The following ZIC4 variants were observed in gnomAD, a reference collection of about 807,000 sequenced individuals.
ZIC4 encodes the protein zinc finger protein ZIC 4.
A neutral mutation model predicts 28.8 loss-of-function variants in ZIC4; 15 were observed. The ratio of observed to expected loss-of-function variants is 0.52; its 90% confidence interval spans 0.35 to 0.80. The LOEUF (loss-of-function observed/expected upper bound fraction) is 0.80. Among genes scored for constraint, ZIC4 ranks in the 30% least tolerant of loss-of-function variants. ZIC4 has a pLI of 0.01. For missense variants in ZIC4, 512 were observed against 467.1 expected, an observed-to-expected ratio of 1.10 and a Z score of -0.89; for synonymous variants, 220 against 198.1, an observed-to-expected ratio of 1.11 and a Z score of -0.93.
intron 2 of ZIC4, among the ~76,000 whole-genome samples, chr3:147,401,081 C>T (rs940234564): frequency 1.3e-5 from 2 of 152,166 alleles, no homozygotes; most frequent in African/African-American, 4.8e-5. Flanking sequence ...GAGCATATTC[C>T]ACCACTAGAC....
chr3:147,390,586 T>C (rs191748547), intron 4 of ZIC4, among the ~76,000 whole-genome samples: 23 of 152,280 alleles, frequency 1.5e-4, no homozygotes, highest in Admixed American at 1.2e-3. Flanking sequence ...GGTTTTATGA[T>C]ACCCAGTCAT....
chr3:147,391,326 C>G (rs2086913709), intron 3 of ZIC4, 80 bp from the exon 4 acceptor site: 2 of 1,440,440 alleles, frequency 1.4e-6, no homozygotes, highest in Admixed American at 5.3e-5. Flanking sequence ...CCATTCGTCT[C>G]TCATTTTCTG....
chr3:147,390,783 T>A, intron 4 of ZIC4, 148 bp downstream of exon 4: 1 of 1,094,646 alleles, frequency 9.1e-7, no homozygotes, highest in Non-Finnish European at 1.3e-6. Context: ...CGTGGCCTAC[T>A]CTGCATTCGG....
intron 1 of ZIC4, chr3:147,404,337 A>G (rs1178457183): frequency 1.6e-6 from 2 of 1,279,728 alleles, no homozygotes; most frequent in East Asian, 3.2e-5. Flanking sequence ...CATGCAAACA[A>G]ATATTGCAGA....
intron 2 of ZIC4, among the ~76,000 whole-genome samples, chr3:147,400,113 A>G (rs921209442): frequency 1.3e-5 from 2 of 152,210 alleles, no homozygotes; most frequent in African/African-American, 2.4e-5. Flanking sequence ...CTAATAGTCC[A>G]GTATTTGCTG....
chr3:147,405,772 A>G, intron 1 of ZIC4: 1 of 460,828 alleles, frequency 2.2e-6, no homozygotes, highest in Non-Finnish European at 3.9e-6. Context: ...AGGTGGACTC[A>G]GGCGGCATCT....
chr3:147,397,949 C>T (rs2087084229), intron 2 of ZIC4, among the ~76,000 whole-genome samples: 1 of 152,118 alleles, frequency 6.6e-6, no homozygotes, highest in African/African-American at 2.4e-5. Context: ...TTGCAGGCCC[C>T]TCCTCCCCGG....
At position 147,396,360 on chromosome 3, in the gene ZIC4, A is replaced by C. The variant is rs999667316; in HGVS notation, c.180T>G (p.Asn60Lys). The C allele has an allele frequency of 1.9e-6, 3 of 1,553,448 alleles. No homozygotes were observed. The highest frequency in any genetic ancestry group is 2.6e-6 in the Non-Finnish European group (3 of 1,153,166). ...PPQASPSRPL[N>K]GLLRLGLPGD... ...CAGGGAGCCCCAGACGCAGGAGTCCATTCAAAGGACGGCTGGGGGAGGCCT... is the reference window on the plus strand; with the variant it reads ...CAGGGAGCCCCAGACGCAGGAGTCCCTTCAAAGGACGGCTGGGGGAGGCCT... The change falls in exon 3 of 5, where the codon AAT (asparagine) becomes AAG (lysine). Residue 60 changes from asparagine (N) to lysine (K), a missense_variant. Coordinates refer to ENST00000383075, the MANE Select transcript of ZIC4 (RefSeq NM_032153.6). This position sits in a 1 kb window ranked among gnomAD's most constrained non-coding sequence, Gnocchi z 4.2.
At chr3:147,399,645 TG>T (rs1217622936) in intron 2 of ZIC4, among the ~76,000 whole-genome samples, 1 of 151,746 alleles carries the variant, frequency 6.6e-6, no homozygotes, top group East Asian at 1.9e-4. Context: ...TTTAAGACTC[TG>T]ATTTGCAAAA....
chr3:147,390,027 C>G (rs376608296), intron 4 of ZIC4, among the ~76,000 whole-genome samples: 32 of 152,224 alleles, frequency 2.1e-4, no homozygotes, highest in Non-Finnish European at 3.5e-4. Context: ...AATCCTGAAG[C>G]CTCTCTGGTG....
intron 2 of ZIC4, among the ~76,000 whole-genome samples, chr3:147,399,622 A>G (rs1440787003): frequency 1.3e-5 from 2 of 151,852 alleles, no homozygotes; most frequent in African/African-American, 4.8e-5. Context: ...ATGTTTGTCA[A>G]ACTCACTTTA....
In ZIC4 at chr3:147,392,514, TG is replaced by T. The variant is rs367945479; in HGVS notation, c.689-1269del. 89 of 905,364 alleles carry T rather than the reference TG, an allele frequency of 9.8e-5. No individual in the cohort carries two copies. In the East Asian group the frequency reaches 7.3e-3, roughly 74 times the overall value. The allele number at this position is 905,364 out of a possible 1,614,324, so 56.1% of individuals were successfully genotyped here. Reference sequence around the variant, plus strand: ...GCCGGAGCTGCAAGTGCTGCGGAAATGGGGGAAGAAGGTTTCTGGGCGCTTT... The same window carrying T: ...GCCGGAGCTGCAAGTGCTGCGGAAATGGGGAAGAAGGTTTCTGGGCGCTTT... On this transcript the variant is annotated intron_variant, in intron 3 of 4. Transcript: ENST00000383075.
chr3:147,392,225 G>A (rs749980646), intron 3 of ZIC4: 7 of 985,592 alleles, frequency 7.1e-6, no homozygotes, highest in African/African-American at 5.2e-5. Flanking sequence ...GCCCTTGAGC[G>A]CTGCGGCTTC....
intron 2 of ZIC4, among the ~76,000 whole-genome samples, chr3:147,400,529 C>T (rs1246432859): frequency 6.6e-6 from 1 of 152,184 alleles, no homozygotes; most frequent in African/African-American, 2.4e-5. Flanking sequence ...CTGCAGGTCA[C>T]TGAGGTTGCC....
chr3:147,395,707 G>C, intron 3 of ZIC4, 145 bp downstream of exon 3: 2 of 1,283,860 alleles, frequency 1.6e-6, no homozygotes, highest in Non-Finnish European at 2.1e-6. Flanking sequence ...GAATAGAAGC[G>C]CATAATTAAT....
chr3:147,404,561 T>C (rs1286734907), intron 1 of ZIC4, among the ~76,000 whole-genome samples: 1 of 152,224 alleles, frequency 6.6e-6, no homozygotes, highest in Non-Finnish European at 1.5e-5. Context: ...CCACGGAATG[T>C]AGAAACTCAG....
At chr3:147,389,531 C>T (rs566686874) in intron 4 of ZIC4, among the ~76,000 whole-genome samples, 15 of 152,088 alleles carry the variant, frequency 9.9e-5, no homozygotes, top group African/African-American at 3.1e-4. Context: ...TCCTTTACTT[C>T]TTCAAGTCTT....
intron 1 of ZIC4, among the ~76,000 whole-genome samples, chr3:147,405,025 C>G (rs2087246221): frequency 6.6e-6 from 1 of 152,232 alleles, no homozygotes; most frequent in African/African-American, 2.4e-5. Flanking sequence ...GGCCTTTGCC[C>G]GCTGCCTGAT....
chr3:147,390,104 G>A (rs908483628), intron 4 of ZIC4, among the ~76,000 whole-genome samples: 6 of 152,160 alleles, frequency 3.9e-5, no homozygotes, highest in Non-Finnish European at 5.9e-5. Flanking sequence ...TGTATATTGA[G>A]TCTGTGGACG....
Sources: allele counts gnomAD v4.1 joint callset (sites outside exome capture counted in the v4.1 genomes callset), GRCh38; gene constraint gnomAD v4.1.1; non-coding constraint Gnocchi (gnomAD v3.1); transcripts MANE v1.5; gene names NCBI Gene and HGNC (gene_info 2026-07-23, HGNC 2026-07-21).